SLC27A4: variants seen among roughly 807,000 people sequenced by gnomAD.
The protein encoded by SLC27A4 is long-chain fatty acid transport protein 4.
In SLC27A4, 33 loss-of-function variants were observed where a neutral mutation model predicts 64.4. The ratio of observed to expected loss-of-function variants is 0.51; its 90% CI spans 0.39 to 0.68. SLC27A4 has a LOEUF of 0.68. Among genes scored for constraint, SLC27A4 ranks in the 30% least tolerant of loss-of-function variants. The probability of loss-of-function intolerance (pLI) is 0.00; values close to 1 mark genes in which losing one functional copy is unlikely to be tolerated. For missense variants in SLC27A4, 824 were observed against 883.5 expected (o/e 0.93, Z 0.85); for synonymous variants, 377 against 370.0 (o/e 1.02, Z -0.22).
Position 128,360,505 on chromosome 9 carries a change from T to C in SLC27A4, c.*14T>C, listed in dbSNP as rs774023645. The C allele has an allele frequency of 1.2e-6, 2 of 1,613,112 alleles. No homozygotes were observed. The highest frequency in any genetic ancestry group is 3.3e-5 in the Admixed American group (2 of 60,016). ...GAGAAGCTGTGATTCCCCCCATCCC[T>C]CTGAGGGCCGGCGGATGCTGGATCC... is the stretch of plus-strand genomic sequence containing the variant. On this transcript the variant is annotated 3_prime_UTR_variant, in exon 13 of 13. Transcript: ENST00000300456.
Position 128,360,429 on chromosome 9 carries a change from C to G in SLC27A4, c.1870C>G (p.Arg624Gly). The G allele has an allele frequency of 6.2e-7, 1 of 1,614,078 alleles. No individual in the cohort carries two copies. The highest frequency in any genetic ancestry group is 1.1e-5 in the South Asian group (1 of 91,088). Residue 624 changes from arginine (R) to glycine (G), a missense_variant, in exon 13 of 13, where the codon CGC becomes GGC. Coordinates refer to ENST00000300456, the MANE Select transcript of SLC27A4 (RefSeq NM_005094.4). ...GTTCTATCTAGATGCCCAGAAGGGC[C>G]GCTACGTCCCGCTGGACCAAGAGGC... ...PLFYLDAQKG[R>G]YVPLDQEAYS...
At position 128,345,373 on chromosome 9, in the gene SLC27A4, A is replaced by C; in HGVS notation, c.380A>C (p.Asp127Ala). 6.2e-7 allele frequency: 1 copy of C among 1,613,654 alleles called. No homozygotes were observed. Among genetic ancestry groups the C allele is most frequent in the Non-Finnish European group, 8.5e-7 (1 of 1,179,970 alleles). ...FLQARGLASG[D>A]VAAIFMENRN... ...CAGGCCCGGGGCCTGGCCTCGGGCG[A>C]TGTGGCTGCCATCTTCATGGAGAAC... The change falls in exon 3 of 13, where the codon GAT (aspartate) becomes GCT (alanine). Residue 127 changes from aspartate to alanine, a missense_variant. Transcript: ENST00000300456. The surrounding 1 kb of genome is among the most constrained non-coding windows in gnomAD (Gnocchi z 4.1).
chr9:128,357,706 C>T (rs1588567197), intron 12 of SLC27A4, among the ~76,000 whole-genome samples: 1 of 152,228 alleles, frequency 6.6e-6, no homozygotes, highest in Admixed American at 6.5e-5. Flanking sequence ...CATGCCCATA[C>T]CTGCCCCTGC....
In SLC27A4 at chr9:128,343,911, G is replaced by T. The variant is rs554037094; in HGVS notation, c.161+618G>T. On this transcript the variant is annotated intron_variant, in intron 2 of 12. Coordinates refer to ENST00000300456, the MANE Select transcript of SLC27A4 (RefSeq NM_005094.4). ...AGGGACACAGCACATCTGTAAATTGGCAGTGCCATGTGGGCAGAGACCCTG... is the reference window on the plus strand; with the variant it reads ...AGGGACACAGCACATCTGTAAATTGTCAGTGCCATGTGGGCAGAGACCCTG... 2.0e-5 allele frequency among the ~76,000 whole-genome samples: 3 copies of T among 152,300 alleles called. No individual in the cohort carries two copies. In the East Asian group the frequency reaches 5.8e-4, roughly 29 times the overall value.
At position 128,350,338 on chromosome 9, in the gene SLC27A4, G is replaced by A. The variant is rs1832713957; in HGVS notation, c.742G>A (p.Gly248Ser). 4.3e-6 allele frequency: 7 copies of A among 1,612,960 alleles called. No individual in the cohort carries two copies. The highest frequency in any genetic ancestry group is 1.7e-4 in the Middle Eastern group (1 of 6,008). The change falls in exon 5 of 13, where the codon GGC becomes AGC. Residue 248 changes from glycine to serine, a missense_variant. Transcript: ENST00000300456. ...TAAACTGTTCTACATCTACACATCC[G>A]GCACCACAGGGCTGCCCAAGGCCGC... The part of the protein sequence containing the change: ...TDKLFYIYTS[G>S]TTGLPKAAIV...
chr9:128,352,794 C>T (rs1304048553), intron 7 of SLC27A4, 47 bp downstream of exon 7: 1 of 1,395,756 alleles, frequency 7.2e-7, no homozygotes, highest in East Asian at 2.3e-5. Flanking sequence ...CCTAGTTACC[C>T]TCTTCCCAAC....
intron 1 of SLC27A4, 147 bp from the exon 2 acceptor site, chr9:128,342,980 C>A: frequency 2.0e-6 from 2 of 1,005,292 alleles, no homozygotes; most frequent in Non-Finnish European, 1.5e-6. Context: ...TGGAAAGGGA[C>A]CCCTGTGGTC....
At chr9:128,350,867 G>C (rs1470692371) in intron 6 of SLC27A4, among the ~76,000 whole-genome samples, 1 of 152,202 alleles carries the variant, frequency 6.6e-6, no homozygotes, top group African/African-American at 2.4e-5. Context: ...CAAGGTGGGC[G>C]GATCACTTGA....
At chr9:128,343,435 A>G in intron 2 of SLC27A4, 142 bp downstream of exon 2, 2 of 925,966 alleles carry the variant, frequency 2.2e-6, no homozygotes, top group Non-Finnish European at 3.4e-6. Context: ...CCTCTGCTCC[A>G]CACCCGTACC....
Position 128,355,757 on chromosome 9 carries a change from C to T in SLC27A4, c.1735C>T (p.Pro579Ser). 1 of 1,613,806 alleles carries T rather than the reference C, an allele frequency of 6.2e-7. No homozygotes were observed. Among genetic ancestry groups the T allele is most frequent in the Non-Finnish European group, 8.5e-7 (1 of 1,180,018 alleles). ...GAAGGAACTGCCCCTGTATGCGCGC[C>T]CCATCTTCCTGCGCCTCCTGCCTGA... ...LEKELPLYAR[P>S]IFLRLLPELH... The change falls in exon 12 of 13, where the codon CCC (proline) becomes TCC (serine). Residue 579 changes from proline to serine, a missense_variant. Pro to Ser is a moderately conservative substitution (Grantham distance 74, BLOSUM62 -1). Coordinates refer to ENST00000300456, the MANE Select transcript of SLC27A4 (RefSeq NM_005094.4).
At chr9:128,351,417 A>G (rs1350051737) in intron 6 of SLC27A4, among the ~76,000 whole-genome samples, 1 of 152,088 alleles carries the variant, frequency 6.6e-6, no homozygotes, top group Non-Finnish European at 1.5e-5. Context: ...ACAGAGCGAG[A>G]CACTGTCTCA....
chr9:128,342,518 A>G, intron 1 of SLC27A4: 1 of 977,608 alleles, frequency 1.0e-6, no homozygotes, highest in South Asian at 1.4e-5. Context: ...ACTACTGACA[A>G]CGAAGGCTGC....
chr9:128,345,250 G>A lies in SLC27A4; in HGVS notation c.257G>A (p.Arg86His), dbSNP rs751081479. 1.8e-5 allele frequency: 29 copies of A among 1,613,848 alleles called. No individual in the cohort carries two copies. Among genetic ancestry groups the A allele is most frequent in the East Asian group, 2.2e-5 (1 of 44,866 alleles). ...ATTTTGTTTGCCTCTACCGTTCGGC[G>A]CCACCCCGACAAGACGGCCCTGATC... ...VPILFASTVR[R>H]HPDKTALIFE... is the part of the protein sequence containing the mutation. The change falls in exon 3 of 13, where the codon CGC becomes CAC. Residue 86 changes from arginine to histidine, a missense_variant. Transcript: ENST00000300456. The surrounding 1 kb of genome is among the most constrained non-coding windows in gnomAD (Gnocchi z 4.1).
chr9:128,346,400 AT>A (rs1832657999), intron 3 of SLC27A4, among the ~76,000 whole-genome samples: 1 of 150,808 alleles, frequency 6.6e-6, no homozygotes, highest in African/African-American at 2.4e-5. Context: ...CGCCCAGCTA[AT>A]TTTTTTGTAT....
At position 128,346,229 on chromosome 9, in the gene SLC27A4, G is replaced by GT. The variant is rs141240205; in HGVS notation, c.556+688dup. 1.2e-4 allele frequency among the ~76,000 whole-genome samples: 18 copies of GT among 147,844 alleles called. No homozygotes were observed. In the East Asian group the frequency reaches 2.4e-3, roughly 20 times the overall value. ...TAAAAAAAGTTTTTTGTTTTTTTTT[G>GT]TTTTTTTTGTTGTTGTTGTTTTGAG... is the stretch of plus-strand genomic sequence containing the variant. On this transcript the variant is annotated intron_variant, in intron 3 of 12. Coordinates refer to ENST00000300456, the MANE Select transcript of SLC27A4 (RefSeq NM_005094.4).
intron 1 of SLC27A4, among the ~76,000 whole-genome samples, chr9:128,341,352 G>A (rs189720841): frequency 8.7e-4 from 133 of 152,278 alleles, no homozygotes; most frequent in Admixed American, 2.6e-3. Flanking sequence ...CCCCTTGATC[G>A]AGTCCTCAAA....
Position 128,353,206 on chromosome 9 carries a change from A to G in SLC27A4, c.1169A>G (p.Asn390Ser). 2 of 1,614,086 alleles carry G rather than the reference A, an allele frequency of 1.2e-6. No individual in the cohort carries two copies. Among genetic ancestry groups the G allele is most frequent in the Non-Finnish European group, 8.5e-7 (1 of 1,180,018 alleles). The change falls in exon 8 of 13, where the codon AAC becomes AGC. Residue 390 changes from asparagine to serine, a missense_variant. Coordinates refer to ENST00000300456, the MANE Select transcript of SLC27A4 (RefSeq NM_005094.4). This position sits in a 1 kb window ranked among gnomAD's most constrained non-coding sequence, Gnocchi z 4.9. ...GAGTTCTACGGGGCCACAGAGTGCA[A>G]CTGTAGCCTGGGCAACTTCGACAGC... ...VAEFYGATEC[N>S]CSLGNFDSQV...
chr9:128,356,471 C>T (rs1307319320), intron 12 of SLC27A4, among the ~76,000 whole-genome samples: 1 of 152,202 alleles, frequency 6.6e-6, no homozygotes, highest in East Asian at 1.9e-4. Context: ...GGGTAAGAGT[C>T]GGGACTGTCC....
chr9:128,355,830 C>T lies in SLC27A4; in HGVS notation c.1774+34C>T, dbSNP rs150863345. The T allele has an allele frequency of 9.9e-6, 16 of 1,610,488 alleles. No homozygotes were observed. In the East Asian group the frequency reaches 2.7e-4, roughly 27 times the overall value. Reference sequence around the variant, plus strand: ...CTCCCCTGCTCCAGCTCTCGGATCCCAGGTCCCTTCCCGTTTCCTTCTGGA... The same window carrying T: ...CTCCCCTGCTCCAGCTCTCGGATCCTAGGTCCCTTCCCGTTTCCTTCTGGA... On this transcript the variant is annotated intron_variant, in intron 12 of 12. Transcript: ENST00000300456.
Sources: gnomAD v4.1 joint callset for allele counts (sites outside exome capture counted in the v4.1 genomes callset) on GRCh38, gnomAD v4.1.1 for gene constraint, Gnocchi (gnomAD v3.1) non-coding constraint, MANE v1.5 for transcripts, NCBI Gene and HGNC (gene_info 2026-07-23, HGNC 2026-07-21) for gene names.